The following ZNF611 variants were observed in gnomAD, a reference collection of about 807,000 sequenced individuals.
ZNF611 encodes zinc finger protein 611.
A neutral mutation model predicts 8.9 loss-of-function variants in ZNF611; 6 were observed. The observed-to-expected ratio is 0.68, with a 90% CI of 0.37 to 1.34. ZNF611 has a LOEUF of 1.34. Among genes scored for constraint, ZNF611 ranks in the 40% most tolerant of loss-of-function variants. ZNF611 has a pLI of 0.02. For missense variants in ZNF611, 874 were observed against 841.3 expected (o/e 1.04, Z -0.48); for synonymous variants, 262 against 279.7 (o/e 0.94, Z 0.63).
At chr19:52,730,970 C>A (rs1422760733) in intron 1 of ZNF611, among the ~76,000 whole-genome samples, 1 of 151,946 alleles carries the variant, frequency 6.6e-6, no homozygotes, top group South Asian at 2.1e-4. Context: ...AAGTCACGCT[C>A]TATCACTCAG....
At position 52,704,093 on chromosome 19, in the gene ZNF611, C is replaced by T. The variant is rs917252329; in HGVS notation, c.*844G>A. Reference sequence around the variant, plus strand: ...AAGTGACCTATGTGCCTTGGCCTCCCGACGTGCTGGGATTACAGGTCGGAG... The same window carrying T: ...AAGTGACCTATGTGCCTTGGCCTCCTGACGTGCTGGGATTACAGGTCGGAG... On this transcript the variant is annotated 3_prime_UTR_variant, in exon 6 of 6. Transcript: ENST00000652185. 4.7e-4 allele frequency: 127 copies of T among 270,934 alleles called. 1 individual carries two copies. Among genetic ancestry groups the T allele is most frequent in the East Asian group, 2.3e-3 (22 of 9,490 alleles). 16.8% of individuals were successfully genotyped at this position (270,934 alleles called of 1,614,324 possible). A position where few individuals can be genotyped will look rare whatever the true frequency, so the allele number is the denominator to read the frequency against.
chr19:52,718,083 G>A (rs959644033), intron 3 of ZNF611, among the ~76,000 whole-genome samples: 4 of 152,086 alleles, frequency 2.6e-5, no homozygotes, highest in Non-Finnish European at 4.4e-5. Flanking sequence ...ATGGTGACAC[G>A]CCTATAATCC....
chr19:52,704,752 T>G lies in ZNF611; in HGVS notation c.*185A>C. 6.3e-7 allele frequency: 1 copy of G among 1,597,800 alleles called. No homozygotes were observed. The highest frequency in any genetic ancestry group is 8.6e-7 in the Non-Finnish European group (1 of 1,166,242). On this transcript the variant is annotated 3_prime_UTR_variant, in exon 6 of 6. Coordinates refer to ENST00000652185, the MANE Select transcript of ZNF611 (RefSeq NM_001161499.2). ...AAGTGTTGACTGCTTGCCAAAGGCTTTGCCACACTCATTACACTTGTAAGG... is the reference window on the plus strand; with the variant it reads ...AAGTGTTGACTGCTTGCCAAAGGCTGTGCCACACTCATTACACTTGTAAGG...
At chr19:52,730,285 G>C (rs913363776) in intron 1 of ZNF611, among the ~76,000 whole-genome samples, 1 of 150,270 alleles carries the variant, frequency 6.7e-6, no homozygotes, top group Non-Finnish European at 1.5e-5. Context: ...TCAGCTACTC[G>C]GGAGGCTGAG....
rs1350810538 is a variant in ZNF611 at position 52,713,911 on chromosome 19, C to T, written c.190+104G>A. On this transcript the variant is annotated intron_variant, in intron 5 of 5. Transcript: ENST00000652185. ...CATCTCAAAAACAAAAAACAAAAAA[C>T]AAAACCCATGTATGGGGCAAAATCA... 5 of 1,564,632 alleles carry T rather than the reference C, an allele frequency of 3.2e-6. No homozygotes were observed. In the African/African-American group the frequency reaches 5.5e-5, roughly 17 times the overall value.
chr19:52,725,123 C>A (rs1568608217), intron 3 of ZNF611, among the ~76,000 whole-genome samples: 3 of 152,122 alleles, frequency 2.0e-5, no homozygotes, highest in African/African-American at 4.8e-5. Flanking sequence ...CCTGGAGAAG[C>A]GCATTTTCCA....
intron 3 of ZNF611, among the ~76,000 whole-genome samples, chr19:52,718,469 C>T (rs775788879): frequency 1.3e-5 from 2 of 151,992 alleles, no homozygotes; most frequent in Non-Finnish European, 2.9e-5. Context: ...CCTGCCACTG[C>T]ACTCCAGCCT....
rs1006692919 is a variant in ZNF611, at chr19:52,732,255, G to C, written c.-221-2250C>G. 2.0e-5 allele frequency among the ~76,000 whole-genome samples: 3 copies of C among 151,932 alleles called. 1 individual carries two copies. Among genetic ancestry groups the C allele is most frequent in the Non-Finnish European group, 2.9e-5 (2 of 67,988 alleles). On this transcript the variant is annotated intron_variant, in intron 1 of 5. Coordinates refer to ENST00000652185, the MANE Select transcript of ZNF611 (RefSeq NM_001161499.2). Reference sequence around the variant, plus strand: ...ACTGCACTCCAGCCTGGGTGACAGAGCAAAACTCCATCTCAAAAAAGAAAA... The same window carrying C: ...ACTGCACTCCAGCCTGGGTGACAGACCAAAACTCCATCTCAAAAAAGAAAA...
intron 5 of ZNF611, among the ~76,000 whole-genome samples, chr19:52,711,839 G>C (rs1173168744): frequency 6.6e-6 from 1 of 152,072 alleles, no homozygotes; most frequent in Non-Finnish European, 1.5e-5. Flanking sequence ...GCTGGTATTT[G>C]CATCCAGATC....
intron 1 of ZNF611, among the ~76,000 whole-genome samples, chr19:52,734,533 G>GC (rs1327131375): frequency 5.0e-4 from 18 of 35,850 alleles, no homozygotes; most frequent in Admixed American, 8.2e-4. Context: ...GGAAGGTGCG[G>GC]GGCGGGGGGG....
Position 52,706,682 on chromosome 19 carries a change from G to C in ZNF611, c.373C>G (p.Leu125Val). Residue 125 changes from leucine (L) to valine (V), a missense_variant, in exon 6 of 6, where the codon CTT (leucine) becomes GTT (valine). By Grantham distance (32) the Leu-to-Val change is conservative. Transcript: ENST00000652185. ...FQCQEDERNG[L>V]EAPMTKIKKL... ...TTTATTTTTGTCATGGGTGCTTCAA[G>C]GCCATTTCTTTCATCTTCTTGACAC... 6.2e-7 allele frequency: 1 copy of C among 1,614,006 alleles called. No homozygotes were observed. The highest frequency in any genetic ancestry group is 1.3e-5 in the African/African-American group (1 of 74,996).
intron 4 of ZNF611, among the ~76,000 whole-genome samples, chr19:52,715,567 A>G (rs760121976): frequency 3.9e-5 from 6 of 152,120 alleles, no homozygotes; most frequent in African/African-American, 7.2e-5. Flanking sequence ...ACTGACATCA[A>G]CGGGCTCACA....
intron 4 of ZNF611, 22 bp downstream of exon 4, chr19:52,715,810 C>G: frequency 6.2e-7 from 1 of 1,609,062 alleles, no homozygotes; most frequent in Non-Finnish European, 8.5e-7. Flanking sequence ...ACAGATTAAT[C>G]CACAGAGGAA....
In ZNF611 at chr19:52,703,085, G is replaced by A. The variant is rs2062215235; in HGVS notation, c.*1852C>T. On this transcript the variant is annotated 3_prime_UTR_variant, in exon 6 of 6. Transcript: ENST00000652185. ...AAACGAATGATGTGAGCTGATTATA[G>A]GATGCTGCAAAGGCATCTTTCAGAA... is the stretch of plus-strand genomic sequence containing the variant. 6.6e-6 allele frequency: 1 copy of A among 152,044 alleles called. No individual in the cohort carries two copies. Among genetic ancestry groups the A allele is most frequent in the East Asian group, 1.9e-4 (1 of 5,194 alleles). 9.4% of individuals were successfully genotyped at this position (152,044 alleles called of 1,614,324 possible).
In ZNF611 at chr19:52,706,881, C is replaced by T. The variant is rs1160628377; in HGVS notation, c.191-17G>A. 4 of 1,599,136 alleles carry T rather than the reference C, an allele frequency of 2.5e-6. No individual in the cohort carries two copies. Among genetic ancestry groups the T allele is most frequent in the East Asian group, 2.2e-5 (1 of 44,840 alleles). The stretch of plus-strand genomic sequence containing the variant: ...AAGAGATATCTACAAAATATAAACA[C>T]CAATACATTTCCAATTAAGTACAGA... On this transcript the variant is annotated splice_polypyrimidine_tract_variant and intron_variant, in intron 5 of 5. Transcript: ENST00000652185.
At chr19:52,733,116 A>G (rs1429968755) in intron 1 of ZNF611, among the ~76,000 whole-genome samples, 2 of 152,244 alleles carry the variant, frequency 1.3e-5, no homozygotes, top group Non-Finnish European at 2.9e-5. Context: ...TTCCAAGTGG[A>G]ACATAACCTC....
chr19:52,715,958 T>C (rs772696783), intron 3 of ZNF611, 45 bp from the exon 4 acceptor site: 39 of 1,601,698 alleles, frequency 2.4e-5, no homozygotes, highest in Admixed American at 1.5e-4. Flanking sequence ...AATGACTCAC[T>C]CCCTTCCTGT....
Position 52,705,172 on chromosome 19 carries a change from CCA to C in ZNF611, c.1881_1882del (p.Cys627TrpfsTer15). 1 of 1,614,028 alleles carries C rather than the reference CCA, an allele frequency of 6.2e-7. No homozygotes were observed. Among genetic ancestry groups the C allele is most frequent in the Non-Finnish European group, 8.5e-7 (1 of 1,180,010 alleles). On this transcript the variant is annotated frameshift_variant, in exon 6 of 6. Coordinates refer to ENST00000652185, the MANE Select transcript of ZNF611 (RefSeq NM_001161499.2). LOFTEE classifies it low-confidence loss of function (END_TRUNC). ...GGATGAGCAGTGACGGAAGGTATTG[CCA>C]CACTCATTACACTTGTAAGGTTTCT...
rs1308068502 is a variant in ZNF611 at position 52,734,984 on chromosome 19, C to G, written c.-222+17G>C. 1 of 152,998 alleles carries G rather than the reference C, an allele frequency of 6.5e-6. No individual in the cohort carries two copies. The highest frequency in any genetic ancestry group is 1.5e-5 in the Non-Finnish European group (1 of 68,210). The allele number at this position is 152,998 out of a possible 1,614,324, so 9.5% of individuals were successfully genotyped here. ...CCTAGTTAGCGCAGACTTAATACAA[C>G]ACAGAGCAAAACTCACCGCGGCGAT... On this transcript the variant is annotated intron_variant, in intron 1 of 5. Transcript: ENST00000652185.
Sources: gnomAD v4.1 joint callset for allele counts (sites outside exome capture counted in the v4.1 genomes callset) on GRCh38, gnomAD v4.1.1 for gene constraint, MANE v1.5 for transcripts, NCBI Gene and HGNC (gene_info 2026-07-23, HGNC 2026-07-21) for gene names.